The following MME variants were observed in gnomAD, a reference collection of about 807,000 sequenced individuals.
The protein encoded by MME is membrane metalloendopeptidase.
Under a neutral mutation model 113.2 loss-of-function variants are expected in MME, and 98 were observed. The ratio of observed to expected loss-of-function variants is 0.87; its 90% CI spans 0.74 to 1.02. The LOEUF (loss-of-function observed/expected upper bound fraction) is 1.02, where lower values mean the gene tolerates loss of function less well. Ranked by LOEUF, MME falls within the 50% of genes least tolerant of loss-of-function variation. MME has a pLI of 0.00. For missense variants in MME, 836 were observed against 896.0 expected (o/e 0.93, Z 0.86); for synonymous variants, 292 against 300.6 (o/e 0.97, Z 0.30).
intron 1 of MME, among the ~76,000 whole-genome samples, chr3:155,030,884 G>A (rs567265603): frequency 3.3e-5 from 5 of 152,090 alleles, no homozygotes; most frequent in South Asian, 2.1e-4. Flanking sequence ...TCTGTCCATG[G>A]AAGAGGAAAA....
chr3:155,175,627 G>C (rs1017506948), intron 22 of MME, among the ~76,000 whole-genome samples: 2 of 151,966 alleles, frequency 1.3e-5, no homozygotes, highest in Non-Finnish European at 2.9e-5. Context: ...AAATGATTTA[G>C]GTGCTTAGAT....
At chr3:155,065,705 T>C (rs1473214524) in intron 1 of MME, among the ~76,000 whole-genome samples, 2 of 152,204 alleles carry the variant, frequency 1.3e-5, no homozygotes, top group South Asian at 2.1e-4. Context: ...AGATGACTTA[T>C]GCTCATGTGG....
intron 20 of MME, among the ~76,000 whole-genome samples, chr3:155,170,426 T>G (rs1320993770): frequency 6.6e-6 from 1 of 152,196 alleles, no homozygotes; most frequent in Non-Finnish European, 1.5e-5. Flanking sequence ...GTTAAATTCC[T>G]TGAAAATGGT....
At chr3:155,075,063 ACCCATTAAC>A (rs1714701278), upstream of MME, among the ~76,000 whole-genome samples, 1 of 151,586 alleles carries the variant, frequency 6.6e-6, no homozygotes, top group African/African-American at 2.4e-5. Flanking sequence ...TATTAAAATC[ACCCATTAAC>A]ATGGGTGATT....
At chr3:155,109,206 G>T (rs1052988446) in intron 3 of MME, among the ~76,000 whole-genome samples, 2 of 75,446 alleles carry the variant, frequency 2.7e-5, no homozygotes, top group African/African-American at 3.8e-5. Context: ...TGAGAGAGGA[G>T]GCCATGGGGG....
chr3:155,085,119 T>C (rs1715555599), intron 3 of MME, 25 bp downstream of exon 3: 1 of 1,474,430 alleles, frequency 6.8e-7, no homozygotes, highest in East Asian at 2.3e-5. Context: ...TTACGTGTAA[T>C]AGTTATACAA....
At chr3:155,157,483 C>G (rs1722401402) in intron 16 of MME, among the ~76,000 whole-genome samples, 1 of 152,116 alleles carries the variant, frequency 6.6e-6, no homozygotes, top group Non-Finnish European at 1.5e-5. Flanking sequence ...CTCTGTGCTG[C>G]CAGTCAGCAT....
At chr3:155,081,462 G>A (rs980255600) in intron 1 of MME, 1 of 152,136 alleles carries the variant, frequency 6.6e-6, no homozygotes, top group Non-Finnish European at 1.5e-5. Flanking sequence ...TGTTATCTTA[G>A]ACCTCCTAAT....
At chr3:155,038,419 C>T (rs1489575606) in intron 1 of MME, among the ~76,000 whole-genome samples, 2 of 151,538 alleles carry the variant, frequency 1.3e-5, no homozygotes, top group Admixed American at 6.6e-5. Flanking sequence ...CTGGTCATTG[C>T]GGATCCACAC....
At chr3:155,048,615 AC>A (rs902398702) in intron 1 of MME, among the ~76,000 whole-genome samples, 5 of 152,070 alleles carry the variant, frequency 3.3e-5, no homozygotes, top group African/African-American at 1.2e-4. Flanking sequence ...CTACCTGCAT[AC>A]CGTTTTTTTA....
At position 155,130,082 on chromosome 3, in the gene MME, T is replaced by C. The variant is rs566335316; in HGVS notation, c.721-8020T>C. ...AATTGTTATCTTACTTTGTTGTCCT[T>C]CATAAGGAAATCTGAAGATTAGGAA... On this transcript the variant is annotated intron_variant, in intron 8 of 22. Coordinates refer to ENST00000360490, the MANE Select transcript of MME (RefSeq NM_007289.4). Among the ~76,000 whole-genome samples, 4 of 152,316 alleles carry C rather than the reference T, an allele frequency of 2.6e-5. No homozygotes were observed. In the South Asian group the frequency reaches 8.3e-4, roughly 32 times the overall value.
chr3:155,079,039 G>C (rs770551645), upstream of MME, among the ~76,000 whole-genome samples: 45 of 152,032 alleles, frequency 3.0e-4, no homozygotes, highest in Non-Finnish European at 1.0e-4. Context: ...ATGTACACAC[G>C]TTTTAAGATT....
chr3:155,181,475 A>T lies in MME; in HGVS notation c.*1016A>T, dbSNP rs1422890687. The T allele has an allele frequency of 1.3e-5, 2 of 152,062 alleles. No individual in the cohort carries two copies. The highest frequency in any genetic ancestry group is 2.9e-5 in the Non-Finnish European group (2 of 67,978). 9.4% of individuals were successfully genotyped at this position (152,062 alleles called of 1,614,324 possible). ...ACTTTCAAAATTAAATCTGTCCCTG[A>T]GAGTGTCTCTGATAAAAGGGCAAAT... On this transcript the variant is annotated 3_prime_UTR_variant, in exon 23 of 23. Transcript: ENST00000360490.
chr3:155,107,055 T>A lies in MME; in HGVS notation c.197-7939T>A, dbSNP rs545015862. Among the ~76,000 whole-genome samples the A allele has an allele frequency of 6.6e-5, 10 of 152,276 alleles. No homozygotes were observed. The South Asian group carries it at 2.1e-3, about 32-fold the overall frequency. The stretch of plus-strand genomic sequence containing the variant: ...CCCTAAACATTAATTCAGTGCAGAT[T>A]AAGAATAGTCAATGGAGGGACCGGG... On this transcript the variant is annotated intron_variant, in intron 3 of 22. Coordinates refer to ENST00000360490, the MANE Select transcript of MME (RefSeq NM_007289.4).
intron 8 of MME, among the ~76,000 whole-genome samples, chr3:155,137,684 C>A (rs534567961): frequency 6.6e-6 from 1 of 151,600 alleles, no homozygotes; most frequent in Non-Finnish European, 1.5e-5. Context: ...CCAGCCCAGG[C>A]GACAGTGTGA....
chr3:155,152,393 C>T (rs891121288), intron 16 of MME, among the ~76,000 whole-genome samples: 1 of 152,038 alleles, frequency 6.6e-6, no homozygotes, highest in Non-Finnish European at 1.5e-5. Context: ...TGGACTAGCC[C>T]CTATTGAAAG....
chr3:155,174,127 G>A (rs972258952), intron 22 of MME, among the ~76,000 whole-genome samples: 1 of 151,996 alleles, frequency 6.6e-6, no homozygotes, highest in Admixed American at 6.6e-5. Context: ...CTTATGTTCT[G>A]CACATTTCAG....
At chr3:155,038,083 C>A (rs778079740) in intron 1 of MME, among the ~76,000 whole-genome samples, 1 of 152,120 alleles carries the variant, frequency 6.6e-6, no homozygotes, top group Admixed American at 6.6e-5. Flanking sequence ...TTTCCAAACA[C>A]GTAGTTTGCT....
chr3:155,075,669 T>C (rs559400609), upstream of MME, among the ~76,000 whole-genome samples: 2 of 152,326 alleles, frequency 1.3e-5, no homozygotes, highest in African/African-American at 4.8e-5. Flanking sequence ...ATTATCCTTC[T>C]TTCCAACAAC....
Sources: allele counts gnomAD v4.1 joint callset (sites outside exome capture counted in the v4.1 genomes callset), GRCh38; gene constraint gnomAD v4.1.1; transcripts MANE v1.5; gene names NCBI Gene and HGNC (gene_info 2026-07-23, HGNC 2026-07-21).